Variants in MRTFA observed in about 807,000 individuals in gnomAD.
MRTFA encodes myocardin-related transcription factor A.
A neutral mutation model predicts 83.5 loss-of-function variants in MRTFA; 20 were observed. That is an observed-to-expected ratio of 0.24 (90% CI 0.17 to 0.35). MRTFA has a LOEUF of 0.35. MRTFA is among the 10% of genes least tolerant of loss of function. The pLI is 1.00. For synonymous variants in MRTFA, 659 were observed against 541.2 expected, an observed-to-expected ratio of 1.22 and a Z score of -3.02; for missense variants, 1,200 against 1,224.7, an observed-to-expected ratio of 0.98 and a Z score of 0.30.
intron 4 of MRTFA, among the ~76,000 whole-genome samples, chr22:40,459,822 C>CATATACATATATATAT (rs1555973786): frequency 4.4e-4 from 30 of 68,250 alleles, no homozygotes; most frequent in African/African-American, 1.8e-3. Flanking sequence ...CACACACACA[C>CATATACATATATATAT]ATATATACAT....
At chr22:40,425,146 C>T (rs903891466) in intron 7 of MRTFA, among the ~76,000 whole-genome samples, 3 of 152,244 alleles carry the variant, frequency 2.0e-5, no homozygotes. Flanking sequence ...GAATGCAAGT[C>T]CTTCTGAGGC....
intron 3 of MRTFA, among the ~76,000 whole-genome samples, chr22:40,551,457 C>T (rs2147311743): frequency 6.6e-6 from 1 of 152,272 alleles, no homozygotes. Context: ...CAACCTCCGC[C>T]TCCTAGTTCA....
chr22:40,512,873 G>C lies in MRTFA; in HGVS notation c.241+39233C>G, dbSNP rs2054690267. Among the ~76,000 whole-genome samples, 3 of 152,318 alleles carry C rather than the reference G, an allele frequency of 2.0e-5. No individual in the cohort carries two copies. In the South Asian group the frequency reaches 6.2e-4, roughly 32 times the overall value. On this transcript the variant is annotated intron_variant, in intron 3 of 14. Transcript: ENST00000355630. ...CCACTTCGCAATGTGCATCTTAAAA[G>C]TAATTTGTAAACTTTAACTGATCCA...
intron 3 of MRTFA, among the ~76,000 whole-genome samples, chr22:40,502,609 T>C (rs972578826): frequency 1.4e-5 from 2 of 140,282 alleles, no homozygotes; most frequent in African/African-American, 5.3e-5. Flanking sequence ...TCCCAGACGA[T>C]GGGCGGCCAG....
chr22:40,558,051 G>A (rs923341491), intron 2 of MRTFA, among the ~76,000 whole-genome samples: 6 of 151,842 alleles, frequency 4.0e-5, no homozygotes, highest in South Asian at 4.2e-4. Context: ...TGGAATTACA[G>A]GCATGAGAGC....
Position 40,416,826 on chromosome 22 carries a change from G to C in MRTFA, c.2578+160C>G. Reference sequence around the variant, plus strand: ...CACCTTCCCTGGTCCTCTCGCCCAGGCCTTGGAGACGGGAGGGCTCACAGC... The same window carrying C: ...CACCTTCCCTGGTCCTCTCGCCCAGCCCTTGGAGACGGGAGGGCTCACAGC... On this transcript the variant is annotated intron_variant, in intron 14 of 14. Transcript: ENST00000355630. This position sits in a 1 kb window ranked among gnomAD's most constrained non-coding sequence, Gnocchi z 4.2. The C allele has an allele frequency of 2.9e-6, 2 of 691,896 alleles. No homozygotes were observed. Among genetic ancestry groups the C allele is most frequent in the Non-Finnish European group, 4.9e-6 (2 of 408,532 alleles). The allele number at this position is 691,896 out of a possible 1,614,324, so 42.9% of individuals were successfully genotyped here. A position where few individuals can be genotyped will look rare whatever the true frequency, so the allele number is the denominator to read the frequency against.
intron 3 of MRTFA, among the ~76,000 whole-genome samples, chr22:40,499,914 C>T (rs984205823): frequency 3.6e-4 from 31 of 84,956 alleles, no homozygotes; most frequent in African/African-American, 1.0e-3. Flanking sequence ...TCAAGTAGAC[C>T]TTTTTTTTTT....
At position 40,577,350 on chromosome 22, in the gene MRTFA, C is replaced by T. The variant is rs144697676; in HGVS notation, c.-22+17324G>A. 7.9e-3 allele frequency among the ~76,000 whole-genome samples: 1,196 copies of T among 151,236 alleles called. 9 individuals carry two copies. The highest frequency in any genetic ancestry group is 0.012 in the Non-Finnish European group (817 of 67,896). On this transcript the variant is annotated intron_variant, in intron 2 of 14. Coordinates refer to ENST00000355630, the MANE Select transcript of MRTFA (RefSeq NM_020831.6). ...ATGAGTGTATTTCCAACTTGAAAGA[C>T]TCCATTTTGGAATGAGAGAAAGCAC...
At chr22:40,446,855 G>T (rs948492635) in intron 4 of MRTFA, among the ~76,000 whole-genome samples, 5 of 152,276 alleles carry the variant, frequency 3.3e-5, no homozygotes, top group South Asian at 2.1e-4. Context: ...AAATATCTGC[G>T]AGCCTACATG....
At chr22:40,497,764 C>T (rs560211690) in intron 3 of MRTFA, among the ~76,000 whole-genome samples, 43 of 151,760 alleles carry the variant, frequency 2.8e-4, no homozygotes, top group African/African-American at 8.7e-4. Flanking sequence ...AAAAGGAAAT[C>T]GCATGGGGTA....
chr22:40,575,120 C>T (rs1271177812), intron 2 of MRTFA, among the ~76,000 whole-genome samples: 1 of 152,188 alleles, frequency 6.6e-6, no homozygotes, highest in Non-Finnish European at 1.5e-5. Context: ...TCCTCCATGC[C>T]TAAGTTTCCT....
chr22:40,513,901 A>G (rs777115956), intron 3 of MRTFA, among the ~76,000 whole-genome samples: 1 of 152,066 alleles, frequency 6.6e-6, no homozygotes, highest in Non-Finnish European at 1.5e-5. Flanking sequence ...GTTTGAGACC[A>G]GCCTGGGCAA....
In MRTFA at chr22:40,561,008, AT is replaced by A. The variant is rs572652682; in HGVS notation, c.-21-8642del. Among the ~76,000 whole-genome samples the A allele has an allele frequency of 4.1e-3, 620 of 152,232 alleles. 19 individuals are homozygous for A. Among genetic ancestry groups the A allele is most frequent in the Admixed American group, 0.037 (570 of 15,280 alleles). On this transcript the variant is annotated intron_variant, in intron 2 of 14. Transcript: ENST00000355630. ...ACCAAATGGTATGGTTCTTCTGAAAATTTTTTTTAAACAATTGGTAAAAAAA... is the reference window on the plus strand; with the variant it reads ...ACCAAATGGTATGGTTCTTCTGAAAATTTTTTTAAACAATTGGTAAAAAAA...
At chr22:40,479,348 C>A (rs1403090710) in intron 3 of MRTFA, among the ~76,000 whole-genome samples, 4 of 152,092 alleles carry the variant, frequency 2.6e-5, no homozygotes, top group African/African-American at 4.8e-5. Flanking sequence ...TCAAATCAAT[C>A]TGTGAGCCCT....
chr22:40,459,948 A>C (rs1352628870), intron 4 of MRTFA, among the ~76,000 whole-genome samples: 1 of 150,412 alleles, frequency 6.6e-6, no homozygotes, highest in Non-Finnish European at 1.5e-5. Context: ...TAACCAAAGC[A>C]TCATTTGTCT....
At chr22:40,536,317 T>C (rs2055172845) in intron 3 of MRTFA, among the ~76,000 whole-genome samples, 1 of 150,946 alleles carries the variant, frequency 6.6e-6, no homozygotes, top group Admixed American at 6.6e-5. Context: ...AATAAATAAA[T>C]GGGCCGAAGC....
chr22:40,474,477 C>T (rs780694140), intron 3 of MRTFA, among the ~76,000 whole-genome samples: 4 of 152,210 alleles, frequency 2.6e-5, no homozygotes, highest in Non-Finnish European at 5.9e-5. Flanking sequence ...CACACAGTGT[C>T]ATTTACTCAC....
intron 2 of MRTFA, among the ~76,000 whole-genome samples, chr22:40,579,028 A>G (rs2147356721): frequency 6.6e-6 from 1 of 152,362 alleles, no homozygotes; most frequent in African/African-American, 2.4e-5. Flanking sequence ...GGACAGTTTG[A>G]GCCCAGGAGC....
At chr22:40,622,468 G>A (rs368192037) in intron 1 of MRTFA, among the ~76,000 whole-genome samples, 122 of 124,938 alleles carry the variant, frequency 9.8e-4, no homozygotes, top group African/African-American at 3.2e-3. Flanking sequence ...GTGACAGAGC[G>A]AGACTCCCAT....
Sources: allele counts gnomAD v4.1 joint callset (sites outside exome capture counted in the v4.1 genomes callset), GRCh38; gene constraint gnomAD v4.1.1; non-coding constraint Gnocchi (gnomAD v3.1); transcripts MANE v1.5; gene names NCBI Gene and HGNC (gene_info 2026-07-23, HGNC 2026-07-21).